SPMIP2: variants seen among roughly 807,000 people sequenced by gnomAD.
The protein encoded by SPMIP2 is sperm microtubule inner protein 2.
chr4:158,937,879 A>G, the SPMIP2 span, among the ~76,000 whole-genome samples: 2 of 152,250 alleles, frequency 1.3e-5, no homozygotes, highest in African/African-American at 4.8e-5. Context: ...AATAAATTCC[A>G]AGGATAATCA....
At chr4:158,920,265 G>T in the SPMIP2 span, among the ~76,000 whole-genome samples, 1 of 152,048 alleles carries the variant, frequency 6.6e-6, no homozygotes, top group African/African-American at 2.4e-5. Context: ...ATGTGTATTT[G>T]AACAATATGA....
the SPMIP2 span, among the ~76,000 whole-genome samples, chr4:159,069,029 G>C: frequency 1.3e-5 from 2 of 152,130 alleles, no homozygotes; most frequent in African/African-American, 4.8e-5. Context: ...TAGGCTGGGT[G>C]CCGTGGCTCA....
the SPMIP2 span, among the ~76,000 whole-genome samples, chr4:159,013,614 G>A: frequency 1.5e-4 from 23 of 152,034 alleles, no homozygotes; most frequent in Non-Finnish European, 3.2e-4. Flanking sequence ...CCAGTTTCAT[G>A]AGATTATTTC....
chr4:158,992,426 A>G, the SPMIP2 span, among the ~76,000 whole-genome samples: 1 of 152,342 alleles, frequency 6.6e-6, no homozygotes, highest in South Asian at 2.1e-4. Context: ...ATTTAAACAT[A>G]GATGGTTTTT....
the SPMIP2 span, among the ~76,000 whole-genome samples, chr4:159,016,689 G>A: frequency 6.6e-6 from 1 of 152,170 alleles, no homozygotes; most frequent in South Asian, 2.1e-4. Flanking sequence ...GCTAAAAAAG[G>A]CTAAAGTGGG....
the SPMIP2 span, among the ~76,000 whole-genome samples, chr4:158,902,828 C>T: frequency 2.6e-4 from 39 of 152,228 alleles, no homozygotes; most frequent in East Asian, 7.2e-3. Context: ...TGGTGGATGC[C>T]CCTCCCCCAA....
chr4:158,926,091 T>A, the SPMIP2 span, among the ~76,000 whole-genome samples: 1 of 152,210 alleles, frequency 6.6e-6, no homozygotes, highest in Non-Finnish European at 1.5e-5. Context: ...ACATAAACAT[T>A]CAGACCGTAG....
chr4:158,998,909 G>A, the SPMIP2 span, among the ~76,000 whole-genome samples: 1 of 152,048 alleles, frequency 6.6e-6, no homozygotes, highest in Non-Finnish European at 1.5e-5. Flanking sequence ...GGTGGCTCAT[G>A]ACTACTTTGG....
chr4:158,893,859 C>G, the SPMIP2 span: 98 of 571,196 alleles, frequency 1.7e-4, no homozygotes, highest in Non-Finnish European at 2.7e-4. Context: ...ATAGTTAATT[C>G]TTTTTACTTC....
At chr4:158,949,564 G>GCATGTAGATAC in the SPMIP2 span, among the ~76,000 whole-genome samples, 1 of 151,948 alleles carries the variant, frequency 6.6e-6, no homozygotes, top group Non-Finnish European at 1.5e-5. Flanking sequence ...TGTACTTCAT[G>GCATGTAGATAC]TGCTTCATGA....
the SPMIP2 span, among the ~76,000 whole-genome samples, chr4:159,065,888 T>A: frequency 6.6e-6 from 1 of 152,176 alleles, no homozygotes; most frequent in Non-Finnish European, 1.5e-5. Context: ...AAAGTTAAGG[T>A]TATGAGAAGT....
At chr4:158,906,332 C>T in the SPMIP2 span, 1 of 152,170 alleles carries the variant, frequency 6.6e-6, no homozygotes, top group South Asian at 2.1e-4. Context: ...AAGCATTCCC[C>T]TCGTCTCTAG....
chr4:159,036,073 C>A, the SPMIP2 span, among the ~76,000 whole-genome samples: 4 of 152,176 alleles, frequency 2.6e-5, no homozygotes, highest in Non-Finnish European at 5.9e-5. Flanking sequence ...GTAATTCTAG[C>A]TTGCACAGAA....
At chr4:158,962,529 G>A in the SPMIP2 span, among the ~76,000 whole-genome samples, 1 of 152,130 alleles carries the variant, frequency 6.6e-6, no homozygotes, top group Non-Finnish European at 1.5e-5. Context: ...AAACATTTGA[G>A]TGGAAAATTC....
At chr4:158,955,395 C>A in the SPMIP2 span, among the ~76,000 whole-genome samples, 4 of 152,202 alleles carry the variant, frequency 2.6e-5, no homozygotes, top group African/African-American at 9.6e-5. Context: ...GTATAACACA[C>A]CATTAATTTT....
the SPMIP2 span, among the ~76,000 whole-genome samples, chr4:158,993,733 G>T: frequency 1.3e-5 from 2 of 152,110 alleles, no homozygotes; most frequent in African/African-American, 4.8e-5. Context: ...TCATCATCTG[G>T]ATTATCACCA....
the SPMIP2 span, among the ~76,000 whole-genome samples, chr4:158,959,755 T>G: frequency 3.3e-5 from 5 of 152,262 alleles, no homozygotes; most frequent in East Asian, 9.6e-4. Flanking sequence ...AGCTTTTGCT[T>G]GTTTCCTGTA....
At chr4:158,979,802 T>G in the SPMIP2 span, among the ~76,000 whole-genome samples, 5 of 144,840 alleles carry the variant, frequency 3.5e-5, no homozygotes, top group African/African-American at 1.4e-4. Flanking sequence ...TTTTTTTTTT[T>G]TTTTTTTTTT....
the SPMIP2 span, among the ~76,000 whole-genome samples, chr4:159,023,272 G>C: frequency 6.6e-6 from 1 of 152,044 alleles, no homozygotes; most frequent in African/African-American, 2.4e-5. Context: ...TGGAGGGCAA[G>C]AATAGAGCCA....
Sources: allele counts gnomAD v4.1 joint callset (sites outside exome capture counted in the v4.1 genomes callset), GRCh38; gene constraint gnomAD v4.1.1; transcripts MANE v1.5; gene names NCBI Gene and HGNC (gene_info 2026-07-23, HGNC 2026-07-21).